The following XRCC4 variants were observed in gnomAD, a reference collection of about 807,000 sequenced individuals.
XRCC4 encodes the protein DNA repair protein XRCC4.
XRCC4 carries 28 observed loss-of-function variants against 39.1 expected under a neutral mutation model. The observed-to-expected ratio is 0.72, with a 90% confidence interval of 0.53 to 0.98. The LOEUF (loss-of-function observed/expected upper bound fraction) is 0.98, where lower values mean the gene tolerates loss of function less well. Ranked by LOEUF, XRCC4 falls within the 50% of genes least tolerant of loss-of-function variation. XRCC4 has a pLI of 0.00. For synonymous variants in XRCC4, 123 were observed against 126.4 expected, an observed-to-expected ratio of 0.97 and a Z score of 0.18; for missense variants, 350 against 376.4, an observed-to-expected ratio of 0.93 and a Z score of 0.58.
chr5:83,311,720 T>A (rs954903965), intron 7 of XRCC4, among the ~76,000 whole-genome samples: 4 of 152,020 alleles, frequency 2.6e-5, no homozygotes, highest in Non-Finnish European at 5.9e-5. Context: ...TGTATCTGTT[T>A]TATATATATT....
intron 6 of XRCC4, among the ~76,000 whole-genome samples, chr5:83,227,259 G>A (rs559616770): frequency 6.6e-6 from 1 of 152,114 alleles, no homozygotes; most frequent in Admixed American, 6.6e-5. Context: ...ATTGCACCTA[G>A]TTCATTCAGT....
intron 7 of XRCC4, among the ~76,000 whole-genome samples, chr5:83,260,019 A>G (rs1280829793): frequency 6.6e-6 from 1 of 152,034 alleles, no homozygotes; most frequent in African/African-American, 2.4e-5. Context: ...TCTCTCCACG[A>G]TTGGCCTGAT....
intron 7 of XRCC4, among the ~76,000 whole-genome samples, chr5:83,349,340 CT>C (rs371369856): frequency 3.9e-5 from 6 of 152,028 alleles, no homozygotes; most frequent in African/African-American, 1.5e-4. Flanking sequence ...TTTTTGTGTT[CT>C]TTTTTATGCT....
At chr5:83,230,450 T>C (rs1442983579) in intron 6 of XRCC4, among the ~76,000 whole-genome samples, 1 of 152,038 alleles carries the variant, frequency 6.6e-6, no homozygotes, top group Non-Finnish European at 1.5e-5. Context: ...TGGCATGATA[T>C]GTGTGAAGTA....
intron 7 of XRCC4, among the ~76,000 whole-genome samples, chr5:83,313,489 C>G (rs1755777147): frequency 6.6e-6 from 1 of 151,978 alleles, no homozygotes; most frequent in Admixed American, 6.6e-5. Flanking sequence ...TACCTATTTG[C>G]CCCATTTACC....
intron 7 of XRCC4, among the ~76,000 whole-genome samples, chr5:83,292,099 AT>A (rs1179068350): frequency 6.6e-6 from 1 of 151,514 alleles, no homozygotes; most frequent in East Asian, 1.9e-4. Context: ...AAACTTTATT[AT>A]TTCTTATAGA....
Position 83,195,821 on chromosome 5 carries a change from A to G in XRCC4, c.367A>G (p.Ile123Val), listed in dbSNP as rs1198491910. Residue 123 changes from isoleucine to valine, a missense_variant, in exon 4 of 8, where the codon ATT (isoleucine) becomes GTT (valine). Coordinates refer to ENST00000396027, the MANE Select transcript of XRCC4 (RefSeq NM_003401.5). ...LEKVENPAEVIRELICYCLDT... is the reference protein window; with the variant it reads ...LEKVENPAEVVRELICYCLDT... ...GAAAGTTGAAAACCCAGCTGAAGTC[A>G]TTAGAGAACTTATTTGTTATTGCTT... 2 of 1,611,456 alleles carry G rather than the reference A, an allele frequency of 1.2e-6. No homozygotes were observed. Among genetic ancestry groups the G allele is most frequent in the Admixed American group, 1.7e-5 (1 of 59,950 alleles).
intron 7 of XRCC4, among the ~76,000 whole-genome samples, chr5:83,287,906 C>A (rs1754789057): frequency 6.6e-6 from 1 of 151,678 alleles, no homozygotes; most frequent in South Asian, 2.1e-4. Flanking sequence ...ACCTTCTTTT[C>A]AAATATATGC....
intron 6 of XRCC4, among the ~76,000 whole-genome samples, chr5:83,238,988 C>A (rs1032302746): frequency 6.6e-6 from 1 of 152,214 alleles, no homozygotes; most frequent in African/African-American, 2.4e-5. Flanking sequence ...TTCCTGTTCA[C>A]ACTAGACTGT....
intron 6 of XRCC4, among the ~76,000 whole-genome samples, chr5:83,239,807 T>A (rs1399186053): frequency 6.6e-6 from 1 of 150,872 alleles, no homozygotes; most frequent in East Asian, 2.0e-4. Context: ...CCAACCTGGG[T>A]GACAGAGCAA....
At chr5:83,199,781 A>AT (rs35907617) in intron 4 of XRCC4, among the ~76,000 whole-genome samples, 50,754 of 151,550 alleles carry the variant, frequency 0.33, 9,279 homozygotes, top group Non-Finnish European at 0.42. Context: ...AAAAATTACT[A>AT]TTTTTTTGTC....
intron 3 of XRCC4, among the ~76,000 whole-genome samples, chr5:83,171,749 TC>T (rs1749736705): frequency 6.6e-6 from 1 of 152,160 alleles, no homozygotes; most frequent in African/African-American, 2.4e-5. Context: ...TCTAACTTTA[TC>T]CCATCAACTC....
chr5:83,203,622 A>G lies in XRCC4; in HGVS notation c.553A>G (p.Asn185Asp), dbSNP rs1751299220. 6.2e-7 allele frequency: 1 copy of G among 1,612,364 alleles called. No individual in the cohort carries two copies. The highest frequency in any genetic ancestry group is 8.5e-7 in the Non-Finnish European group (1 of 1,179,278). ...DLYKRFILVLNEKKTKIRSLH... is the reference protein window; with the variant it reads ...DLYKRFILVLDEKKTKIRSLH... The stretch of plus-strand genomic sequence containing the variant: ...TTATAAGCGGTTTATTCTGGTGTTG[A>G]ATGAGAAGAAAACAAAAATCAGAAG... Residue 185 changes from asparagine (N) to aspartate (D), a missense_variant, in exon 5 of 8, where the codon AAT becomes GAT. Asn to Asp is a conservative substitution (Grantham distance 23). Transcript: ENST00000396027.
intron 6 of XRCC4, among the ~76,000 whole-genome samples, chr5:83,249,417 G>A (rs1753228917): frequency 6.6e-6 from 1 of 152,050 alleles, no homozygotes; most frequent in Non-Finnish European, 1.5e-5. Context: ...AGTTTTCAAG[G>A]AATGCCTCCG....
intron 3 of XRCC4, among the ~76,000 whole-genome samples, chr5:83,117,448 C>G (rs533585408): frequency 7.2e-5 from 11 of 152,266 alleles, no homozygotes; most frequent in East Asian, 1.9e-4. Flanking sequence ...ATATCTCACT[C>G]TGTTTCTTTA....
chr5:83,109,516 G>A (rs1327280190), intron 2 of XRCC4, among the ~76,000 whole-genome samples: 2 of 151,866 alleles, frequency 1.3e-5, no homozygotes, highest in Non-Finnish European at 2.9e-5. Context: ...TATCATTACT[G>A]TGATAGCCTA....
At chr5:83,308,074 A>G (rs1337864724) in intron 7 of XRCC4, among the ~76,000 whole-genome samples, 8 of 152,186 alleles carry the variant, frequency 5.3e-5, no homozygotes, top group African/African-American at 1.9e-4. Context: ...AAAAGTTGTT[A>G]AATGAGAGAA....
At chr5:83,270,788 T>C (rs1754117769) in intron 7 of XRCC4, among the ~76,000 whole-genome samples, 1 of 7,400 alleles carries the variant, frequency 1.4e-4, no homozygotes, top group African/African-American at 9.6e-4. Flanking sequence ...TATATATATG[T>C]ATATATTTTT....
intron 7 of XRCC4, among the ~76,000 whole-genome samples, chr5:83,300,521 A>G (rs1014039853): frequency 1.3e-5 from 2 of 148,882 alleles, no homozygotes; most frequent in Middle Eastern, 3.3e-3. Context: ...ATAGCTGATT[A>G]TGACACACTA....
Sources: allele counts gnomAD v4.1 joint callset (sites outside exome capture counted in the v4.1 genomes callset), GRCh38; gene constraint gnomAD v4.1.1; transcripts MANE v1.5; gene names NCBI Gene and HGNC (gene_info 2026-07-23, HGNC 2026-07-21).